ADGRG3: variants seen among roughly 807,000 people sequenced by gnomAD.
ADGRG3 encodes the protein adhesion G protein-coupled receptor G3.
In ADGRG3, 39 loss-of-function variants were observed where a neutral mutation model predicts 54.3. The observed-to-expected ratio is 0.72, with a 90% CI of 0.56 to 0.94. ADGRG3 has a LOEUF of 0.94. Among genes scored for constraint, ADGRG3 ranks in the 40% least tolerant of loss-of-function variants. ADGRG3 has a pLI of 0.00. For missense variants in ADGRG3, 654 were observed against 694.6 expected, an observed-to-expected ratio of 0.94 and a Z score of 0.66; for synonymous variants, 312 against 290.0, an observed-to-expected ratio of 1.08 and a Z score of -0.77.
chr16:57,676,224 T>C lies in ADGRG3; in HGVS notation c.231T>C (p.His77=). The change falls in exon 3 of 12, where the codon CAT becomes CAC. Residue 77 remains histidine (H), a synonymous_variant. Coordinates refer to ENST00000333493, the MANE Select transcript of ADGRG3 (RefSeq NM_170776.5). ...LQRYWLNYEA[H]LMKEGLTQKV... ...GATACTGGCTAAACTACGAGGCCCA[T>C]CTGATGAAGGAAGGTTTGACGCAGA... 6.2e-7 allele frequency: 1 copy of C among 1,613,858 alleles called. No homozygotes were observed. Among genetic ancestry groups the C allele is most frequent in the South Asian group, 1.1e-5 (1 of 91,080 alleles).
intron 1 of ADGRG3, among the ~76,000 whole-genome samples, chr16:57,668,836 C>A (rs1441469712): frequency 6.6e-6 from 1 of 152,184 alleles, no homozygotes; most frequent in Non-Finnish European, 1.5e-5. Context: ...TCACCTCGTT[C>A]TTCTGGACCT....
chr16:57,674,262 T>C (rs766383723), intron 2 of ADGRG3, among the ~76,000 whole-genome samples: 27 of 151,852 alleles, frequency 1.8e-4, no homozygotes, highest in Admixed American at 1.0e-3. Context: ...GAGAGATGGA[T>C]TGGGGAGATG....
At chr16:57,678,358 C>T (rs750995578) in intron 4 of ADGRG3, 42 bp downstream of exon 4, 62 of 1,600,426 alleles carry the variant, frequency 3.9e-5, no homozygotes, top group Non-Finnish European at 4.9e-5. Flanking sequence ...GCTAGGTCCT[C>T]TGGGGGCTCC....
chr16:57,678,135 G>A, intron 3 of ADGRG3, 35 bp from the exon 4 acceptor site: 1 of 1,606,838 alleles, frequency 6.2e-7, no homozygotes, highest in Non-Finnish European at 8.5e-7. Context: ...TTGGGGGGTG[G>A]GTACAGATGG....
At position 57,679,842 on chromosome 16, in the gene ADGRG3, G is replaced by A; in HGVS notation, c.654G>A (p.Trp218Ter). The change falls in exon 6 of 12, where the codon TGG becomes TGA. Residue 218 changes from tryptophan to a stop codon, truncating the protein, a stop_gained. Coordinates refer to ENST00000333493, the MANE Select transcript of ADGRG3 (RefSeq NM_170776.5). LOFTEE classifies it high-confidence loss of function. ...PPNMTLTCVFWDVTKGTTGDW... is the reference protein window; with the variant it reads ...PPNMTLTCVF The stretch of plus-strand genomic sequence containing the variant: ...ACATGACCCTCACCTGTGTATTCTG[G>A]GATGTGACTAAAGGTAGGGCCCGGA... 1 of 1,612,768 alleles carries A rather than the reference G, an allele frequency of 6.2e-7. No individual in the cohort carries two copies. Among genetic ancestry groups the A allele is most frequent in the Non-Finnish European group, 8.5e-7 (1 of 1,178,964 alleles).
At chr16:57,682,747 T>G (rs1597776688) in intron 8 of ADGRG3, 3 of 533,768 alleles carry the variant, frequency 5.6e-6, no homozygotes, top group Non-Finnish European at 7.2e-6. Context: ...GAGAGGGAGG[T>G]GAGCCTGGTG....
chr16:57,673,374 A>G lies in ADGRG3; in HGVS notation c.112A>G (p.Met38Val), dbSNP rs753829445. 1 of 1,613,856 alleles carries G rather than the reference A, an allele frequency of 6.2e-7. No individual in the cohort carries two copies. Among genetic ancestry groups the G allele is most frequent in the Non-Finnish European group, 8.5e-7 (1 of 1,179,796 alleles). ...PRNTCLGSNN[M>V]YDIFNLNDKA... is the part of the protein sequence containing the mutation. Reference sequence around the variant, plus strand: ...AAACACCTGCCTGGGGAGCAACAACATGTACGACATCTTCAACTTGAATGA... The same window carrying G: ...AAACACCTGCCTGGGGAGCAACAACGTGTACGACATCTTCAACTTGAATGA... The change falls in exon 2 of 12, where the codon ATG becomes GTG. Residue 38 changes from methionine to valine, a missense_variant. Coordinates refer to ENST00000333493, the MANE Select transcript of ADGRG3 (RefSeq NM_170776.5).
chr16:57,682,034 C>T (rs1249137733), intron 8 of ADGRG3, among the ~76,000 whole-genome samples: 2 of 152,222 alleles, frequency 1.3e-5, no homozygotes, highest in East Asian at 1.9e-4. Context: ...ACAGATTGGC[C>T]GGCCAGGCCA....
chr16:57,675,618 G>A (rs2048249092), intron 2 of ADGRG3, among the ~76,000 whole-genome samples: 1 of 152,186 alleles, frequency 6.6e-6, no homozygotes, highest in South Asian at 2.1e-4. Context: ...GTGACACAGT[G>A]AGACAGTCTC....
At position 57,673,351 on chromosome 16, in the gene ADGRG3, AC is replaced by A; in HGVS notation, c.90del (p.Asn30LysfsTer15). On this transcript the variant is annotated frameshift_variant, in exon 2 of 12. Transcript: ENST00000333493. LOFTEE classifies it high-confidence loss of function. ...GAAAAGCCCACCGAAGGGCCAAGAAACACCTGCCTGGGGAGCAACAACATGT... is the reference window on the plus strand; with the variant it reads ...GAAAAGCCCACCGAAGGGCCAAGAAAACCTGCCTGGGGAGCAACAACATGT... Reference protein sequence around the residue: ...GQEKPTEGPRNTCLGSNNMYD... With the variant: ...GQEKPTEGPRXTCLGSNNMYD... 1 of 1,613,748 alleles carries A rather than the reference AC, an allele frequency of 6.2e-7. No homozygotes were observed. The highest frequency in any genetic ancestry group is 8.5e-7 in the Non-Finnish European group (1 of 1,179,690).
At chr16:57,674,970 TG>T (rs1174235502) in intron 2 of ADGRG3, among the ~76,000 whole-genome samples, 20 of 115,900 alleles carry the variant, frequency 1.7e-4, no homozygotes, top group Non-Finnish European at 2.5e-4. Flanking sequence ...CACTCCAGCC[TG>T]GGCGACAGAG....
Position 57,678,305 on chromosome 16 carries a change from ACT to A in ADGRG3, c.486_487del (p.Phe163GlnfsTer33). The A allele has an allele frequency of 1.9e-6, 3 of 1,613,974 alleles. No homozygotes were observed. The highest frequency in any genetic ancestry group is 2.5e-6 in the Non-Finnish European group (3 of 1,179,946). On this transcript the variant is annotated frameshift_variant, in exon 4 of 12. Coordinates refer to ENST00000333493, the MANE Select transcript of ADGRG3 (RefSeq NM_170776.5). LOFTEE classifies it high-confidence loss of function. ...CACCATTCTGGACATTGGTCCAGGG[ACT>A]CTCTTCAAGGTGAGGACTCAGGGAA... ...AVTILDIGPG[T>X]LFKGPRLGLG...
chr16:57,687,260 T>A (rs1303762391), intron 11 of ADGRG3, among the ~76,000 whole-genome samples: 1 of 152,156 alleles, frequency 6.6e-6, no homozygotes, highest in Non-Finnish European at 1.5e-5. Flanking sequence ...CTTTTTTTTT[T>A]TTTTAATTGA....
At chr16:57,679,729 T>C in intron 5 of ADGRG3, 87 bp from the exon 6 acceptor site, 1 of 1,032,864 alleles carries the variant, frequency 9.7e-7, no homozygotes, top group Non-Finnish European at 1.5e-6. Flanking sequence ...ACACTAGGAC[T>C]CGGGGGAGCA....
At position 57,679,820 on chromosome 16, in the gene ADGRG3, T is replaced by G; in HGVS notation, c.632T>G (p.Met211Arg). The part of the protein sequence containing the change: ...VFSHQRPPPN[M>R]TLTCVFWDVT... The stretch of plus-strand genomic sequence containing the variant: ...ACTTCCACTCTTCGGTTTCAGAACA[T>G]GACCCTCACCTGTGTATTCTGGGAT... The change falls in exon 6 of 12, where the codon ATG (methionine) becomes AGG (arginine). Residue 211 changes from methionine to arginine, a missense_variant. Met to Arg is a moderately conservative substitution (Grantham distance 91, BLOSUM62 -1). Coordinates refer to ENST00000333493, the MANE Select transcript of ADGRG3 (RefSeq NM_170776.5). 6.2e-7 allele frequency: 1 copy of G among 1,612,294 alleles called. No individual in the cohort carries two copies. Among genetic ancestry groups the G allele is most frequent in the South Asian group, 1.1e-5 (1 of 91,044 alleles).
At chr16:57,671,414 C>T (rs148835883) in intron 1 of ADGRG3, among the ~76,000 whole-genome samples, 4 of 140,504 alleles carry the variant, frequency 2.8e-5, no homozygotes, top group Non-Finnish European at 6.0e-5. Context: ...GATCTTGGCT[C>T]ACTGCAACCT....
At chr16:57,679,960 T>A in intron 6 of ADGRG3, 105 bp downstream of exon 6, 1 of 837,724 alleles carries the variant, frequency 1.2e-6, no homozygotes, top group East Asian at 2.6e-5. Flanking sequence ...CCTGCCTTCC[T>A]CTCCCCTCCC....
intron 11 of ADGRG3, among the ~76,000 whole-genome samples, chr16:57,687,691 C>T (rs1289420011): frequency 1.3e-5 from 2 of 152,276 alleles, no homozygotes; most frequent in Non-Finnish European, 2.9e-5. Context: ...ATCATGAGTC[C>T]ATGCCTGGAG....
chr16:57,688,472 C>T lies in ADGRG3; in HGVS notation c.*11C>T, dbSNP rs774983773. ...GCATCTCAAGAATAGGAAGGCACGG[C>T]CCTGCAATATGGACTCAGCTCTGGC... On this transcript the variant is annotated 3_prime_UTR_variant, in exon 12 of 12. Coordinates refer to ENST00000333493, the MANE Select transcript of ADGRG3 (RefSeq NM_170776.5). 26 of 1,479,756 alleles carry T rather than the reference C, an allele frequency of 1.8e-5. No homozygotes were observed. The Middle Eastern group carries it at 1.4e-3, about 78-fold the overall frequency. 91.7% of individuals were successfully genotyped at this position (1,479,756 alleles called of 1,614,324 possible).
Sources: allele counts gnomAD v4.1 joint callset (sites outside exome capture counted in the v4.1 genomes callset), GRCh38; gene constraint gnomAD v4.1.1; transcripts MANE v1.5; gene names NCBI Gene and HGNC (gene_info 2026-07-23, HGNC 2026-07-21).